The following KCNQ1OT1 variants were observed in gnomAD, a reference collection of about 807,000 sequenced individuals.
KCNQ1OT1 encodes KCNQ1 opposite strand/antisense transcript 1, also known as KCNQ1 antisense RNA 2 (non-protein coding).
exon 1 of KCNQ1OT1, chr11:2,643,437 C>G: frequency 2.5e-6 from 1 of 398,308 alleles, no homozygotes; most frequent in Non-Finnish European, 4.4e-6. Context: ...GTGTTTTTAG[C>G]TTAACCTTTG....
At chr11:2,615,914 T>C (rs1849054597) in exon 1 of KCNQ1OT1, 1 of 398,196 alleles carries the variant, frequency 2.5e-6, no homozygotes, top group Non-Finnish European at 4.4e-6. Flanking sequence ...CTCTGTTTTT[T>C]GGAAGAGTTT....
chr11:2,666,408 G>T, exon 1 of KCNQ1OT1: 1 of 398,668 alleles, frequency 2.5e-6, no homozygotes, highest in Non-Finnish European at 4.4e-6. Context: ...AGCAAAAACA[G>T]CCCCGTGTGC....
Position 2,664,321 on chromosome 11 carries a change from CAG to C in KCNQ1OT1, n.35672_35673del, listed in dbSNP as rs1850023677. On this transcript the variant is annotated non_coding_transcript_exon_variant, in exon 1 of 1. Coordinates refer to ENST00000597346, the Ensembl canonical transcript of KCNQ1OT1. The surrounding 1 kb of genome is among the most constrained non-coding windows in gnomAD (Gnocchi z 5.1). Reference sequence around the variant, plus strand: ...CATTGTGTTCTGGTCAGGGAAGACTCAGGGCTGAGGCTTCAGGGGAGCTGGGT... The same window carrying C: ...CATTGTGTTCTGGTCAGGGAAGACTCGGCTGAGGCTTCAGGGGAGCTGGGT... 7.5e-6 allele frequency: 3 copies of C among 398,978 alleles called. No individual in the cohort carries two copies. In the South Asian group the frequency reaches 3.8e-4, roughly 51 times the overall value. 24.7% of individuals were successfully genotyped at this position (398,978 alleles called of 1,614,324 possible).
exon 1 of KCNQ1OT1, chr11:2,662,394 C>G (rs981882116): frequency 2.0e-6 from 1 of 505,278 alleles, no homozygotes; most frequent in Non-Finnish European, 3.5e-6. Context: ...TCCCCTGCCC[C>G]CCAAAAAAGA....
chr11:2,664,575 C>T lies in KCNQ1OT1; in HGVS notation n.35420G>A, dbSNP rs1850030069. 1 of 398,668 alleles carries T rather than the reference C, an allele frequency of 2.5e-6. No individual in the cohort carries two copies. Among genetic ancestry groups the T allele is most frequent in the Non-Finnish European group, 4.4e-6 (1 of 226,110 alleles). The allele number at this position is 398,668 out of a possible 1,614,324, so 24.7% of individuals were successfully genotyped here. A position where few individuals can be genotyped will look rare whatever the true frequency, so the allele number is the denominator to read the frequency against. On this transcript the variant is annotated non_coding_transcript_exon_variant, in exon 1 of 1. Transcript: ENST00000597346. This position sits in a 1 kb window ranked among gnomAD's most constrained non-coding sequence, Gnocchi z 5.1. ...GGGGGCCGTGCAGGTCTTCTGCCCG[C>T]ATTGGGGCTGCATTCCTCCACCTCC...
rs1850216489 is a variant in KCNQ1OT1, at chr11:2,673,126, G to C, written n.26869C>G. ...CAGGAGACCCCAGCAGGCAGCATCA[G>C]GGCAGGGGTGCTGACCATCCCTGAC... On this transcript the variant is annotated non_coding_transcript_exon_variant, in exon 1 of 1. Coordinates refer to ENST00000597346, the Ensembl canonical transcript of KCNQ1OT1. The surrounding 1 kb of genome is among the most constrained non-coding windows in gnomAD (Gnocchi z 4.5). 5.0e-6 allele frequency: 2 copies of C among 398,860 alleles called. No homozygotes were observed. Among genetic ancestry groups the C allele is most frequent in the Admixed American group, 8.8e-5 (2 of 22,740 alleles). The allele number at this position is 398,860 out of a possible 1,614,324, so 24.7% of individuals were successfully genotyped here.
At chr11:2,632,214 T>A (rs1046748887) in exon 1 of KCNQ1OT1, 2 of 393,410 alleles carry the variant, frequency 5.1e-6, no homozygotes, top group Non-Finnish European at 8.9e-6. Flanking sequence ...GAAATGCAAC[T>A]GAATTTTGTG....
chr11:2,617,666 T>G lies in KCNQ1OT1; in HGVS notation n.82329A>C. 2.5e-6 allele frequency: 1 copy of G among 398,508 alleles called. No homozygotes were observed. Among genetic ancestry groups the G allele is most frequent in the Non-Finnish European group, 4.4e-6 (1 of 226,004 alleles). The allele number at this position is 398,508 out of a possible 1,614,324, so 24.7% of individuals were successfully genotyped here. A position where few individuals can be genotyped will look rare whatever the true frequency, so the allele number is the denominator to read the frequency against. ...GTTTTTCATTATGACTGCACCAATC[T>G]ACAGTCCCACCAACACTGTACAAGA... On this transcript the variant is annotated non_coding_transcript_exon_variant, in exon 1 of 1. Transcript: ENST00000597346. The surrounding 1 kb of genome is among the most constrained non-coding windows in gnomAD (Gnocchi z 4.6).
rs954593533 is a variant in KCNQ1OT1 at position 2,668,675 on chromosome 11, CAG to C, written n.31318_31319del. On this transcript the variant is annotated non_coding_transcript_exon_variant, in exon 1 of 1. Transcript: ENST00000597346. The surrounding 1 kb of genome is among the most constrained non-coding windows in gnomAD (Gnocchi z 4.3). ...CTTTAGATATTCTGGAGTCATTTGT[CAG>C]AGAGAGAGATACACACACTCACACT... 5 of 398,514 alleles carry C rather than the reference CAG, an allele frequency of 1.3e-5. No individual in the cohort carries two copies. Among genetic ancestry groups the C allele is most frequent in the Non-Finnish European group, 2.2e-5 (5 of 226,058 alleles). 24.7% of individuals were successfully genotyped at this position (398,514 alleles called of 1,614,324 possible).
chr11:2,652,498 T>TA lies in KCNQ1OT1; in HGVS notation n.47496_47497insT. 1 of 398,658 alleles carries TA rather than the reference T, an allele frequency of 2.5e-6. No individual in the cohort carries two copies. The highest frequency in any genetic ancestry group is 1.3e-4 in the South Asian group (1 of 7,862). The allele number at this position is 398,658 out of a possible 1,614,324, so 24.7% of individuals were successfully genotyped here. A position where few individuals can be genotyped will look rare whatever the true frequency, so the allele number is the denominator to read the frequency against. On this transcript the variant is annotated non_coding_transcript_exon_variant, in exon 1 of 1. Transcript: ENST00000597346. The surrounding 1 kb of genome is among the most constrained non-coding windows in gnomAD (Gnocchi z 5.9). Reference sequence around the variant, plus strand: ...TTTCCTCCCCACCTCTCCAGAGGTTTCTGGGGAATGTCCTGTGAGCTCAAC... The same window carrying TA: ...TTTCCTCCCCACCTCTCCAGAGGTTTACTGGGGAATGTCCTGTGAGCTCAAC...
rs1006389194 is a variant in KCNQ1OT1 at position 2,652,112 on chromosome 11, G to A, written n.47883C>T. On this transcript the variant is annotated non_coding_transcript_exon_variant, in exon 1 of 1. Coordinates refer to ENST00000597346, the Ensembl canonical transcript of KCNQ1OT1. This position sits in a 1 kb window ranked among gnomAD's most constrained non-coding sequence, Gnocchi z 5.9. ...TCGGCCCCAGTTCTGGCCTGGCTGG[G>A]AGGTGGCCTGGGAAGGGACCTGTGT... 1 of 398,590 alleles carries A rather than the reference G, an allele frequency of 2.5e-6. No individual in the cohort carries two copies. The highest frequency in any genetic ancestry group is 4.4e-6 in the Non-Finnish European group (1 of 226,150). The allele number at this position is 398,590 out of a possible 1,614,324, so 24.7% of individuals were successfully genotyped here.
chr11:2,671,103 TGAG>T lies in KCNQ1OT1; in HGVS notation n.28889_28891del, dbSNP rs1850175812. 7.9e-6 allele frequency: 1 copy of T among 126,484 alleles called. No homozygotes were observed. The highest frequency in any genetic ancestry group is 1.0e-4 in the African/African-American group (1 of 9,888). 7.8% of individuals were successfully genotyped at this position (126,484 alleles called of 1,614,324 possible). A position where few individuals can be genotyped will look rare whatever the true frequency, so the allele number is the denominator to read the frequency against. ...GCAGGAGGAAGTCTGGCAGTTAGTC[TGAG>T]CAGTTAGTCTGTCAGGCCTGGTTGG... On this transcript the variant is annotated non_coding_transcript_exon_variant, in exon 1 of 1. Transcript: ENST00000597346. The surrounding 1 kb of genome is among the most constrained non-coding windows in gnomAD (Gnocchi z 4.7).
chr11:2,656,667 T>A (rs1849854192), exon 1 of KCNQ1OT1: 1 of 397,360 alleles, frequency 2.5e-6, no homozygotes, highest in Non-Finnish European at 4.4e-6. Context: ...CTTTGCATTT[T>A]GTGGGCACTG....
exon 1 of KCNQ1OT1, chr11:2,615,096 C>A: frequency 2.5e-6 from 1 of 398,252 alleles, no homozygotes; most frequent in East Asian, 3.6e-5. Flanking sequence ...GTCTTTAGTG[C>A]AGAAGTCTTT....
exon 1 of KCNQ1OT1, chr11:2,625,982 T>C (rs1443943157): frequency 5.0e-6 from 2 of 398,538 alleles, no homozygotes; most frequent in Non-Finnish European, 8.8e-6. Flanking sequence ...TTTCTCCCAT[T>C]CTGTAGGTTG....
chr11:2,644,774 C>T (rs1425351925), exon 1 of KCNQ1OT1: 2 of 398,494 alleles, frequency 5.0e-6, no homozygotes, highest in Non-Finnish European at 8.8e-6. Flanking sequence ...TTCTGGGTGC[C>T]TGCAGTAGTG....
rs1456666085 is a variant in KCNQ1OT1, at chr11:2,653,304, A to G, written n.46691T>C. The stretch of plus-strand genomic sequence containing the variant: ...GGGGGCAGTGCAGACCAGTTTAGCT[A>G]TTTTGTAACCTTGACTGCCCCCAGG... On this transcript the variant is annotated non_coding_transcript_exon_variant, in exon 1 of 1. Coordinates refer to ENST00000597346, the Ensembl canonical transcript of KCNQ1OT1. This position sits in a 1 kb window ranked among gnomAD's most constrained non-coding sequence, Gnocchi z 5.3. 1 of 398,502 alleles carries G rather than the reference A, an allele frequency of 2.5e-6. No individual in the cohort carries two copies. Among genetic ancestry groups the G allele is most frequent in the Non-Finnish European group, 4.4e-6 (1 of 226,106 alleles). 24.7% of individuals were successfully genotyped at this position (398,502 alleles called of 1,614,324 possible).
Position 2,613,737 on chromosome 11 carries a change from C to T in KCNQ1OT1, n.86258G>A, listed in dbSNP as rs188973037. On this transcript the variant is annotated non_coding_transcript_exon_variant, in exon 1 of 1. Coordinates refer to ENST00000597346, the Ensembl canonical transcript of KCNQ1OT1. This position sits in a 1 kb window ranked among gnomAD's most constrained non-coding sequence, Gnocchi z 4.8. ...ATAACATTAACATACTTCCAAAAGT[C>T]AATACTAAACAAAAGGAGCTACTGA... The T allele has an allele frequency of 2.5e-6, 1 of 398,252 alleles. No individual in the cohort carries two copies. The highest frequency in any genetic ancestry group is 2.1e-5 in the African/African-American group (1 of 48,546). 24.7% of individuals were successfully genotyped at this position (398,252 alleles called of 1,614,324 possible).
At chr11:2,655,240 C>A in exon 1 of KCNQ1OT1, 1 of 398,646 alleles carries the variant, frequency 2.5e-6, no homozygotes, top group East Asian at 3.6e-5. Flanking sequence ...GCTGCCTTTG[C>A]CATCCCAGAC....
Sources: gnomAD v4.1 joint callset for allele counts on GRCh38, gnomAD v4.1.1 for gene constraint, Gnocchi (gnomAD v3.1) non-coding constraint, MANE v1.5 for transcripts, NCBI Gene and HGNC (gene_info 2026-07-23, HGNC 2026-07-21) for gene names.